CMC1: variants seen among roughly 807,000 people sequenced by gnomAD.
CMC1 encodes the protein C-X9-C motif containing 1.
Under a neutral mutation model 14.1 loss-of-function variants are expected in CMC1, and 14 were observed. The observed-to-expected ratio is 0.99, with a 90% CI of 0.66 to 1.55. The LOEUF (loss-of-function observed/expected upper bound fraction) is 1.55. Among genes scored for constraint, CMC1 ranks in the 40% most tolerant of loss-of-function variants. The pLI, the probability that CMC1 is intolerant of heterozygous loss-of-function variation, is 0.00. For missense variants in CMC1, 127 were observed against 123.8 expected, an observed-to-expected ratio of 1.03 and a Z score of -0.12; for synonymous variants, 50 against 38.4, an observed-to-expected ratio of 1.30 and a Z score of -1.12.
intron 2 of CMC1, among the ~76,000 whole-genome samples, chr3:28,299,374 T>C (rs1230194269): frequency 6.6e-6 from 1 of 152,142 alleles, no homozygotes; most frequent in Admixed American, 6.6e-5. Flanking sequence ...TGAGAATTAA[T>C]TGAGTTGGAG....
intron 2 of CMC1, among the ~76,000 whole-genome samples, chr3:28,263,661 T>C (rs10510608): frequency 0.04 from 6,137 of 152,198 alleles, 387 homozygotes; most frequent in African/African-American, 0.13. Context: ...ATGAGTAATT[T>C]GGAGAAACAA....
At chr3:28,317,254 G>A (rs1702971564) in intron 3 of CMC1, 1 of 151,772 alleles carries the variant, frequency 6.6e-6, no homozygotes, top group Non-Finnish European at 1.5e-5. Context: ...TTAGAATGGT[G>A]GAGTTGGAAA....
intron 2 of CMC1, among the ~76,000 whole-genome samples, chr3:28,275,973 G>A (rs1437280956): frequency 1.3e-5 from 2 of 152,134 alleles, no homozygotes; most frequent in Non-Finnish European, 2.9e-5. Context: ...GCACCGGCAG[G>A]GGAAAATGGC....
At chr3:28,313,818 T>C (rs933088048) in intron 2 of CMC1, among the ~76,000 whole-genome samples, 1 of 152,256 alleles carries the variant, frequency 6.6e-6, no homozygotes, top group African/African-American at 2.4e-5. Context: ...ATCCTATTTA[T>C]CTAAGTAAGT....
At chr3:28,298,368 A>T (rs1230867989) in intron 2 of CMC1, 1 of 151,164 alleles carries the variant, frequency 6.6e-6, no homozygotes, top group Non-Finnish European at 1.5e-5. Context: ...ACACTGATGA[A>T]TATTTAGTAC....
chr3:28,320,616 T>C lies in CMC1; in HGVS notation c.*987T>C, dbSNP rs1295647753. Reference sequence around the variant, plus strand: ...CCATAGATAAGGAGATACCTACTTATATGAATTAATTTTACTTACATCTTT... The same window carrying C: ...CCATAGATAAGGAGATACCTACTTACATGAATTAATTTTACTTACATCTTT... On this transcript the variant is annotated 3_prime_UTR_variant, in exon 4 of 4. Transcript: ENST00000466830. 3.3e-5 allele frequency: 5 copies of C among 151,286 alleles called. No individual in the cohort carries two copies. Among genetic ancestry groups the C allele is most frequent in the African/African-American group, 9.7e-5 (4 of 41,282 alleles). The allele number at this position is 151,286 out of a possible 1,614,324, so 9.4% of individuals were successfully genotyped here.
chr3:28,251,238 C>T (rs1205992297), intron 1 of CMC1, among the ~76,000 whole-genome samples: 1 of 152,102 alleles, frequency 6.6e-6, no homozygotes, highest in Non-Finnish European at 1.5e-5. Flanking sequence ...AAAGGGGAAG[C>T]GGGCATGTGT....
At chr3:28,290,087 T>C (rs948869733) in intron 2 of CMC1, among the ~76,000 whole-genome samples, 3 of 152,168 alleles carry the variant, frequency 2.0e-5, no homozygotes, top group African/African-American at 7.2e-5. Flanking sequence ...TATTGAGTGA[T>C]TCCCTTGTAT....
intron 1 of CMC1, among the ~76,000 whole-genome samples, chr3:28,254,162 C>T (rs75033378): frequency 0.15 from 23,565 of 152,176 alleles, 2,493 homozygotes; most frequent in East Asian, 0.47. Flanking sequence ...TGTGACTATA[C>T]AGTAGCAAAC....
chr3:28,269,701 G>T (rs891441235), intron 2 of CMC1, among the ~76,000 whole-genome samples: 1 of 152,130 alleles, frequency 6.6e-6, no homozygotes, highest in African/African-American at 2.4e-5. Context: ...AAGTAACTGG[G>T]ACTACAGGCG....
intron 2 of CMC1, among the ~76,000 whole-genome samples, chr3:28,264,799 T>C (rs372564502): frequency 6.6e-6 from 1 of 152,168 alleles, no homozygotes; most frequent in African/African-American, 2.4e-5. Context: ...ATTACTGATA[T>C]ATCAGTCTAA....
At chr3:28,295,150 T>C (rs1701675220) in intron 2 of CMC1, among the ~76,000 whole-genome samples, 1 of 152,166 alleles carries the variant, frequency 6.6e-6, no homozygotes, top group South Asian at 2.1e-4. Context: ...TTTTAATGTA[T>C]GTCTTTTGTC....
intron 2 of CMC1, among the ~76,000 whole-genome samples, chr3:28,307,555 C>T (rs1209157034): frequency 1.3e-5 from 2 of 152,094 alleles, no homozygotes; most frequent in African/African-American, 4.8e-5. Context: ...TGAGAAAATT[C>T]ATCTGGGATA....
intron 2 of CMC1, chr3:28,296,972 T>C (rs996512946): frequency 6.6e-6 from 1 of 152,094 alleles, no homozygotes. Context: ...CAAACTCTTA[T>C]TAGTTATTTA....
intron 2 of CMC1, 198 bp from the exon 3 acceptor site, chr3:28,316,135 T>C (rs1702899028): frequency 2.6e-6 from 1 of 377,380 alleles, no homozygotes. Flanking sequence ...TACATGTCTT[T>C]TGTTGAGCAC....
At chr3:28,301,844 C>T (rs1465417461) in intron 2 of CMC1, among the ~76,000 whole-genome samples, 2 of 151,940 alleles carry the variant, frequency 1.3e-5, no homozygotes, top group Non-Finnish European at 2.9e-5. Context: ...TATGATGAAA[C>T]GGCAGCATTA....
At chr3:28,284,085 G>A (rs1033144602) in intron 2 of CMC1, among the ~76,000 whole-genome samples, 10 of 152,268 alleles carry the variant, frequency 6.6e-5, no homozygotes, top group Admixed American at 5.2e-4. Context: ...ATGCATTAGT[G>A]TGAAAAATCT....
intron 2 of CMC1, among the ~76,000 whole-genome samples, chr3:28,283,850 A>G (rs1701037063): frequency 6.6e-6 from 1 of 152,206 alleles, no homozygotes; most frequent in African/African-American, 2.4e-5. Flanking sequence ...ATCCTAGGAG[A>G]AAAGTCAAAG....
chr3:28,250,862 T>C (rs1699094889), intron 1 of CMC1, among the ~76,000 whole-genome samples: 1 of 152,238 alleles, frequency 6.6e-6, no homozygotes, highest in Admixed American at 6.5e-5. Flanking sequence ...TGTATAGTTC[T>C]AGTATTGTTA....
Sources: gnomAD v4.1 joint callset for allele counts (sites outside exome capture counted in the v4.1 genomes callset) on GRCh38, gnomAD v4.1.1 for gene constraint, MANE v1.5 for transcripts, NCBI Gene and HGNC (gene_info 2026-07-23, HGNC 2026-07-21) for gene names.